Variants in CDH4 observed in about 807,000 individuals in gnomAD.
The protein encoded by CDH4 is cadherin 4.
Under a neutral mutation model 86.0 loss-of-function variants are expected in CDH4, and 33 were observed. The ratio of observed to expected loss-of-function variants is 0.38; its 90% CI spans 0.29 to 0.51. The LOEUF (loss-of-function observed/expected upper bound fraction) is 0.51, where lower values mean the gene tolerates loss of function less well. Ranked by LOEUF, CDH4 falls within the 20% of genes least tolerant of loss-of-function variation. The pLI, the probability that CDH4 is intolerant of heterozygous loss-of-function variation, is 0.86. For missense variants in CDH4, 1,114 were observed against 1,307.4 expected (o/e 0.85, Z 2.28); for synonymous variants, 555 against 549.4 (o/e 1.01, Z -0.14).
chr20:61,506,450 T>C (rs1359048932), intron 2 of CDH4, among the ~76,000 whole-genome samples: 1 of 152,232 alleles, frequency 6.6e-6, no homozygotes, highest in East Asian at 1.9e-4. Context: ...GTAAAAGAAA[T>C]TTGAAGAATA....
chr20:61,927,699 A>G (rs2055059346), intron 11 of CDH4, among the ~76,000 whole-genome samples: 1 of 152,240 alleles, frequency 6.6e-6, no homozygotes, highest in South Asian at 2.1e-4. Flanking sequence ...GGGCCAGTGC[A>G]GAGCCCAGCA....
chr20:61,363,267 A>T (rs531569534), intron 2 of CDH4, among the ~76,000 whole-genome samples: 1 of 152,062 alleles, frequency 6.6e-6, no homozygotes, highest in South Asian at 2.1e-4. Context: ...TGCTCAACAA[A>T]TATTTGCTCA....
At chr20:61,655,397 C>T (rs2087176501) in intron 2 of CDH4, among the ~76,000 whole-genome samples, 1 of 152,212 alleles carries the variant, frequency 6.6e-6, no homozygotes, top group Non-Finnish European at 1.5e-5. Flanking sequence ...CACACACATA[C>T]ACAGAACACT....
In CDH4 at chr20:61,515,452, G is replaced by A. The variant is rs1327567109; in HGVS notation, c.170-228111G>A. Among the ~76,000 whole-genome samples the A allele has an allele frequency of 3.3e-5, 5 of 152,366 alleles. No homozygotes were observed. The East Asian group carries it at 9.7e-4, about 29-fold the overall frequency. On this transcript the variant is annotated intron_variant, in intron 2 of 15. Transcript: ENST00000614565. ...ATCCTGGTTTTCCCTGGATGGGAAG[G>A]GGGACCCTCCTCATGGTGGCTGCAG...
intron 2 of CDH4, among the ~76,000 whole-genome samples, chr20:61,565,199 G>GTGC (rs2086265959): frequency 2.1e-5 from 1 of 46,894 alleles, no homozygotes; most frequent in African/African-American, 8.9e-5. Context: ...CCTCTTGGTG[G>GTGC]TGGTCGCGGT....
At chr20:61,533,295 C>T (rs965282579) in intron 2 of CDH4, among the ~76,000 whole-genome samples, 7 of 152,128 alleles carry the variant, frequency 4.6e-5, no homozygotes, top group Non-Finnish European at 7.4e-5. Flanking sequence ...GGCGGCTGGG[C>T]GAGCAGCACG....
chr20:61,300,927 C>T (rs578260125), intron 2 of CDH4, among the ~76,000 whole-genome samples: 3 of 152,188 alleles, frequency 2.0e-5, no homozygotes, highest in South Asian at 2.1e-4. Context: ...CAGCCATGGG[C>T]GGCTGCTCCC....
intron 2 of CDH4, among the ~76,000 whole-genome samples, chr20:61,447,569 C>T (rs1205499127): frequency 1.3e-5 from 2 of 151,068 alleles, no homozygotes; most frequent in African/African-American, 4.9e-5. Context: ...TCGGGGTCTC[C>T]TACTTTCCCC....
chr20:61,310,574 G>A (rs775554213), intron 2 of CDH4, among the ~76,000 whole-genome samples: 83 of 152,184 alleles, frequency 5.5e-4, no homozygotes, highest in Non-Finnish European at 8.4e-4. Flanking sequence ...CGGCCATGCT[G>A]GCTCTCCAGC....
intron 4 of CDH4, among the ~76,000 whole-genome samples, chr20:61,842,502 G>T (rs1007955409): frequency 6.6e-6 from 1 of 152,176 alleles, no homozygotes; most frequent in South Asian, 2.1e-4. Flanking sequence ...AAGTCATACG[G>T]TATCTCCAGG....
intron 4 of CDH4, among the ~76,000 whole-genome samples, chr20:61,830,150 C>T (rs1981528770): frequency 6.7e-6 from 1 of 150,212 alleles, no homozygotes; most frequent in African/African-American, 2.5e-5. Context: ...GATCCATCTC[C>T]TTGGAGCCCC....
intron 2 of CDH4, among the ~76,000 whole-genome samples, chr20:61,293,627 T>G (rs2084335633): frequency 6.6e-6 from 1 of 152,200 alleles, no homozygotes; most frequent in Non-Finnish European, 1.5e-5. Flanking sequence ...CTAGAGACCC[T>G]GGGTGTGACT....
intron 4 of CDH4, among the ~76,000 whole-genome samples, chr20:61,839,530 TTG>T (rs145036287): frequency 0.45 from 67,375 of 150,560 alleles, 17,184 homozygotes; most frequent in Non-Finnish European, 0.59. Flanking sequence ...GTATGTGTGT[TTG>T]TGTATGTGTA....
At chr20:61,712,849 C>T (rs1600901691) in intron 2 of CDH4, among the ~76,000 whole-genome samples, 1 of 152,294 alleles carries the variant, frequency 6.6e-6, no homozygotes, top group East Asian at 1.9e-4. Context: ...CTGGGCAGCC[C>T]AGGAGAGTGA....
chr20:61,388,472 C>T (rs1234635914), intron 2 of CDH4, among the ~76,000 whole-genome samples: 2 of 152,172 alleles, frequency 1.3e-5, no homozygotes, highest in African/African-American at 2.4e-5. Context: ...CCTGAGCCCT[C>T]GAAGGGGTGC....
intron 6 of CDH4, among the ~76,000 whole-genome samples, chr20:61,866,004 C>T (rs1022736562): frequency 5.9e-5 from 9 of 152,132 alleles, no homozygotes; most frequent in Admixed American, 4.6e-4. Flanking sequence ...CTTAGCAGCA[C>T]CTGGGATCAT....
At chr20:61,679,385 G>A (rs1358296389) in intron 2 of CDH4, among the ~76,000 whole-genome samples, 1 of 152,190 alleles carries the variant, frequency 6.6e-6, no homozygotes, top group African/African-American at 2.4e-5. Flanking sequence ...CTGGAGGTGA[G>A]GGGTGGGTCC....
At chr20:61,770,054 C>T (rs1431350934) in intron 3 of CDH4, among the ~76,000 whole-genome samples, 1 of 152,128 alleles carries the variant, frequency 6.6e-6, no homozygotes, top group African/African-American at 2.4e-5. Context: ...GCGAGGAAAG[C>T]ATGGAGTCCA....
intron 2 of CDH4, among the ~76,000 whole-genome samples, chr20:61,685,987 T>C (rs751586869): frequency 2.0e-5 from 3 of 152,242 alleles, no homozygotes; most frequent in Non-Finnish European, 4.4e-5. Flanking sequence ...GAGAAAATTG[T>C]GCAGTTCTTG....
Sources: allele counts gnomAD v4.1 joint callset (sites outside exome capture counted in the v4.1 genomes callset), GRCh38; gene constraint gnomAD v4.1.1; transcripts MANE v1.5; gene names NCBI Gene and HGNC (gene_info 2026-07-23, HGNC 2026-07-21).